KIRREL3: variants seen among roughly 807,000 people sequenced by gnomAD.
KIRREL3 encodes kirre like nephrin family adhesion molecule 3, also known as kin of IRRE-like protein 3.
A neutral mutation model predicts 89.7 loss-of-function variants in KIRREL3; 36 were observed. The ratio of observed to expected loss-of-function variants is 0.40; its 90% CI spans 0.31 to 0.53. The LOEUF (loss-of-function observed/expected upper bound fraction) is 0.53, where lower values mean the gene tolerates loss of function less well. Among genes scored for constraint, KIRREL3 ranks in the 20% least tolerant of loss-of-function variants. The pLI, the probability that KIRREL3 is intolerant of heterozygous loss-of-function variation, is 0.49. For synonymous variants in KIRREL3, 445 were observed against 441.4 expected (o/e 1.01, Z -0.10); for missense variants, 864 against 1,056.6 (o/e 0.82, Z 2.53).
At chr11:126,743,907 C>A (rs1949058987) in intron 1 of KIRREL3, among the ~76,000 whole-genome samples, 1 of 152,172 alleles carries the variant, frequency 6.6e-6, no homozygotes, top group South Asian at 2.1e-4. Context: ...CCACAGCATG[C>A]ATGCATGTAC....
chr11:126,893,801 T>G (rs1029126944), intron 1 of KIRREL3, among the ~76,000 whole-genome samples: 1 of 152,268 alleles, frequency 6.6e-6, no homozygotes. Context: ...ATTCATAGTT[T>G]CATGTTTTAA....
intron 13 of KIRREL3, among the ~76,000 whole-genome samples, chr11:126,433,826 C>T (rs531507905): frequency 6.6e-6 from 1 of 152,336 alleles, no homozygotes; most frequent in East Asian, 1.9e-4. Flanking sequence ...CTTGTCTCAG[C>T]GGAACTCAGA....
intron 10 of KIRREL3, chr11:126,440,915 A>T: frequency 3.3e-6 from 1 of 306,148 alleles, no homozygotes; most frequent in Non-Finnish European, 6.2e-6. Flanking sequence ...AGGAGGTGGT[A>T]AGCCTGCAGA....
intron 1 of KIRREL3, among the ~76,000 whole-genome samples, chr11:126,862,976 T>C (rs1944752541): frequency 6.6e-6 from 1 of 152,182 alleles, no homozygotes; most frequent in South Asian, 2.1e-4. Flanking sequence ...CAGCCAGCAC[T>C]GGGATACCAG....
chr11:126,937,068 T>G (rs1044832945), intron 1 of KIRREL3: 2 of 152,160 alleles, frequency 1.3e-5, no homozygotes, highest in African/African-American at 4.8e-5. Context: ...CTCCTGCTGT[T>G]GTTGTATTTA....
At chr11:126,916,349 G>C (rs905309610) in intron 1 of KIRREL3, among the ~76,000 whole-genome samples, 1 of 152,134 alleles carries the variant, frequency 6.6e-6, no homozygotes, top group Admixed American at 6.6e-5. Context: ...AAATTGCTGA[G>C]CCCCATCCTC....
Position 126,890,129 on chromosome 11 carries a change from T to A in KIRREL3, c.55+110326A>T, listed in dbSNP as rs1945854086. Among the ~76,000 whole-genome samples the A allele has an allele frequency of 6.6e-6, 1 of 152,162 alleles. No individual in the cohort carries two copies. Among genetic ancestry groups the A allele is most frequent in the Non-Finnish European group, 1.5e-5 (1 of 68,024 alleles). ...GTCAGTGCAATCTCTGTAGTTAAATTCTTGAGTTAAAATGAAGATAAAATT... is the reference window on the plus strand; with the variant it reads ...GTCAGTGCAATCTCTGTAGTTAAATACTTGAGTTAAAATGAAGATAAAATT... On this transcript the variant is annotated intron_variant, in intron 1 of 16. Transcript: ENST00000525144. The surrounding 1 kb of genome is among the most constrained non-coding windows in gnomAD (Gnocchi z 5.1).
In KIRREL3 at chr11:126,636,368, T is replaced by C. The variant is rs937686886; in HGVS notation, c.56-73456A>G. Among the ~76,000 whole-genome samples, 10 of 152,216 alleles carry C rather than the reference T, an allele frequency of 6.6e-5. No homozygotes were observed. ...GAGACTGGTAACCCAGCATCTGCCG[T>C]TTAACAGATGCCCTGTAAGTGAGTG... is the stretch of plus-strand genomic sequence containing the variant. On this transcript the variant is annotated intron_variant, in intron 1 of 16. Coordinates refer to ENST00000525144, the MANE Select transcript of KIRREL3 (RefSeq NM_032531.4). The surrounding 1 kb of genome is among the most constrained non-coding windows in gnomAD (Gnocchi z 4.4).
intron 1 of KIRREL3, among the ~76,000 whole-genome samples, chr11:126,834,997 A>G (rs1234105783): frequency 2.0e-5 from 3 of 152,238 alleles, no homozygotes; most frequent in Non-Finnish European, 4.4e-5. Context: ...TGTGTTTTGC[A>G]GTGGTTTCCC....
chr11:126,660,428 G>A (rs1422583798), intron 1 of KIRREL3, among the ~76,000 whole-genome samples: 12 of 152,272 alleles, frequency 7.9e-5, no homozygotes, highest in Non-Finnish European at 1.0e-4. Flanking sequence ...CATTGCATTT[G>A]TTCCAAAGCC....
rs7935919 is a variant in KIRREL3 at position 126,802,530 on chromosome 11, C to G, written c.55+197925G>C. 6.6e-6 allele frequency among the ~76,000 whole-genome samples: 1 copy of G among 152,170 alleles called. No homozygotes were observed. The highest frequency in any genetic ancestry group is 2.1e-4 in the South Asian group (1 of 4,826). On this transcript the variant is annotated intron_variant, in intron 1 of 16. Transcript: ENST00000525144. The surrounding 1 kb of genome is among the most constrained non-coding windows in gnomAD (Gnocchi z 5.2). The stretch of plus-strand genomic sequence containing the variant: ...TCCAGCTTCCTCCCACATCCCAAAG[C>G]TGTCACATGAGGTGACCTGGCATGT...
At chr11:126,759,588 C>T (rs904183912) in intron 1 of KIRREL3, among the ~76,000 whole-genome samples, 8 of 152,178 alleles carry the variant, frequency 5.3e-5, no homozygotes, top group African/African-American at 7.2e-5. Flanking sequence ...CACGTAGCAT[C>T]GTGCTGGCCA....
At chr11:126,698,216 CA>C (rs1947176460) in intron 1 of KIRREL3, among the ~76,000 whole-genome samples, 1 of 152,200 alleles carries the variant, frequency 6.6e-6, no homozygotes, top group Admixed American at 6.5e-5. Context: ...TGTCTATCAG[CA>C]GGTTTTTTAC....
intron 1 of KIRREL3, among the ~76,000 whole-genome samples, chr11:126,902,196 C>A (rs1208592384): frequency 6.6e-6 from 1 of 152,152 alleles, no homozygotes; most frequent in Non-Finnish European, 1.5e-5. Context: ...CCTGATAGCT[C>A]GTCCACCAAA....
chr11:126,853,748 A>G (rs771220676), intron 1 of KIRREL3, among the ~76,000 whole-genome samples: 5 of 152,116 alleles, frequency 3.3e-5, no homozygotes, highest in African/African-American at 1.2e-4. Context: ...TTAAAAAAAA[A>G]ACAAAACAAA....
chr11:126,598,150 C>G (rs909004700), intron 1 of KIRREL3, among the ~76,000 whole-genome samples: 5 of 152,170 alleles, frequency 3.3e-5, no homozygotes, highest in Admixed American at 1.3e-4. Flanking sequence ...AGTGGTGAAG[C>G]GTTCAGTGAC....
intron 1 of KIRREL3, among the ~76,000 whole-genome samples, chr11:126,657,239 A>G (rs560856004): frequency 7.3e-5 from 4 of 55,148 alleles, no homozygotes; most frequent in Admixed American, 1.9e-4. Flanking sequence ...GAGAATTCCA[A>G]ATAAATAATT....
At chr11:126,928,852 G>T (rs1947824236) in intron 1 of KIRREL3, among the ~76,000 whole-genome samples, 1 of 152,178 alleles carries the variant, frequency 6.6e-6, no homozygotes. Context: ...GTGGATGGTG[G>T]TATCTAGTTT....
Position 126,876,281 on chromosome 11 carries a change from TG to T in KIRREL3, c.55+124173del, listed in dbSNP as rs1359661633. ...GGTGCTGTTCAGGAAGAAACAGATC[TG>T]CTGGAGGCAACGATCTCTAGACTCA... is the stretch of plus-strand genomic sequence containing the variant. On this transcript the variant is annotated intron_variant, in intron 1 of 16. Coordinates refer to ENST00000525144, the MANE Select transcript of KIRREL3 (RefSeq NM_032531.4). The surrounding 1 kb of genome is among the most constrained non-coding windows in gnomAD (Gnocchi z 4.1). Among the ~76,000 whole-genome samples, 6 of 152,184 alleles carry T rather than the reference TG, an allele frequency of 3.9e-5. No homozygotes were observed. Among genetic ancestry groups the T allele is most frequent in the African/African-American group, 1.4e-4 (6 of 41,442 alleles).
Sources: allele counts gnomAD v4.1 joint callset (sites outside exome capture counted in the v4.1 genomes callset), GRCh38; gene constraint gnomAD v4.1.1; non-coding constraint Gnocchi (gnomAD v3.1); transcripts MANE v1.5; gene names NCBI Gene and HGNC (gene_info 2026-07-23, HGNC 2026-07-21).